Variants in HINT3 observed in about 807,000 individuals in gnomAD.
HINT3 encodes adenosine 5'-monophosphoramidase HINT3.
HINT3 carries 16 observed loss-of-function variants against 19.1 expected under a neutral mutation model. The observed-to-expected ratio is 0.84, with a 90% CI of 0.57 to 1.27. HINT3 has a LOEUF of 1.27. Among genes scored for constraint, HINT3 ranks in the 50% most tolerant of loss-of-function variants. The pLI is 0.00. For synonymous variants in HINT3, 75 were observed against 84.8 expected (o/e 0.88, Z 0.63); for missense variants, 197 against 225.8 (o/e 0.87, Z 0.82).
rs759601933 is a variant in HINT3 at position 125,977,647 on chromosome 6, G to C, written c.520G>C (p.Asp174His). Reference sequence around the variant, plus strand: ...AAAGTATGTTTTTTAATTACAGGCTGATCACTTGATTGAAAAACTAAGAAC... The same window carrying C: ...AAAGTATGTTTTTTAATTACAGGCTCATCACTTGATTGAAAAACTAAGAAC... Reference protein sequence around the residue: ...RVNSYWFITADHLIEKLRT With the variant: ...RVNSYWFITAHHLIEKLRT Residue 174 changes from aspartate to histidine, a missense_variant, in exon 5 of 5, where the codon GAT (aspartate) becomes CAT (histidine). By Grantham distance (81) the Asp-to-His change is moderately conservative. Transcript: ENST00000229633. 9.4e-6 allele frequency: 14 copies of C among 1,488,966 alleles called. No individual in the cohort carries two copies. The highest frequency in any genetic ancestry group is 1.3e-5 in the Non-Finnish European group (14 of 1,093,468). The allele number at this position is 1,488,966 out of a possible 1,614,324, so 92.2% of individuals were successfully genotyped here.
At chr6:125,973,065 CTTTTT>C (rs869084942) in intron 3 of HINT3, among the ~76,000 whole-genome samples, 34 of 74,474 alleles carry the variant, frequency 4.6e-4, no homozygotes, top group South Asian at 1.6e-3. Context: ...AATTTTTCAA[CTTTTT>C]TTTTTTTTTT....
In HINT3 at chr6:125,963,058, C is replaced by G. The variant is rs143817268; in HGVS notation, c.202-3829C>G. Among the ~76,000 whole-genome samples the G allele has an allele frequency of 4.3e-4, 65 of 152,236 alleles. 1 individual carries two copies. The Middle Eastern group carries it at 0.02, about 48-fold the overall frequency. ...TGCCAATTTAACTTGAACGTTGTCC[C>G]CTGTTGGAAGATGGTTAGCATCCCC... On this transcript the variant is annotated intron_variant, in intron 1 of 4. Transcript: ENST00000229633.
chr6:125,971,702 CTTTTTTTTTTTT>C (rs142105115), intron 2 of HINT3, among the ~76,000 whole-genome samples: 2 of 59,628 alleles, frequency 3.4e-5, no homozygotes, highest in Non-Finnish European at 5.7e-5. Flanking sequence ...GCCTGGCTAC[CTTTTTTTTTTTT>C]TTTTTTTTTT....
Position 125,979,138 on chromosome 6 carries a change from C to A in HINT3, c.*1462C>A, listed in dbSNP as rs1326299972. 2 of 152,118 alleles carry A rather than the reference C, an allele frequency of 1.3e-5. No homozygotes were observed. Among genetic ancestry groups the A allele is most frequent in the Non-Finnish European group, 2.9e-5 (2 of 68,020 alleles). 9.4% of individuals were successfully genotyped at this position (152,118 alleles called of 1,614,324 possible). On this transcript the variant is annotated 3_prime_UTR_variant, in exon 5 of 5. Transcript: ENST00000229633. ...GTGACTGGTTAGGCTGAGAAACTTA[C>A]AAGTATTTTCGTTGAGTTCTGCTTC...
In HINT3 at chr6:125,978,379, G is replaced by A. The variant is rs958006693; in HGVS notation, c.*703G>A. On this transcript the variant is annotated 3_prime_UTR_variant, in exon 5 of 5. Transcript: ENST00000229633. ...TTTTGCCTCTAATAACATAAAGGGGGAAGAAACATAAAGTGGTTCTCTTAA... is the reference window on the plus strand; with the variant it reads ...TTTTGCCTCTAATAACATAAAGGGGAAAGAAACATAAAGTGGTTCTCTTAA... 1.3e-5 allele frequency: 2 copies of A among 152,076 alleles called. No homozygotes were observed. The highest frequency in any genetic ancestry group is 2.9e-5 in the Non-Finnish European group (2 of 67,982). The allele number at this position is 152,076 out of a possible 1,614,324, so 9.4% of individuals were successfully genotyped here. A position where few individuals can be genotyped will look rare whatever the true frequency, so the allele number is the denominator to read the frequency against.
rs1442777436 is a variant in HINT3 at position 125,956,877 on chromosome 6, C to T, written c.-101C>T. ...TCACCGCCCAGCGTCAGGCGAGGGG[C>T]GACGTCTCGAGGTAAAACGGAGGAG... On this transcript the variant is annotated 5_prime_UTR_variant, in exon 1 of 5. Transcript: ENST00000229633. 19 of 1,191,664 alleles carry T rather than the reference C, an allele frequency of 1.6e-5. No homozygotes were observed. The highest frequency in any genetic ancestry group is 2.1e-5 in the Non-Finnish European group (18 of 854,220). The allele number at this position is 1,191,664 out of a possible 1,614,324, so 73.8% of individuals were successfully genotyped here.
intron 1 of HINT3, among the ~76,000 whole-genome samples, chr6:125,960,186 G>A (rs991551581): frequency 3.9e-5 from 6 of 152,164 alleles, no homozygotes; most frequent in Non-Finnish European, 5.9e-5. Context: ...GTTGTACAGC[G>A]GGTCACGTGA....
chr6:125,973,686 T>C (rs547313050), intron 3 of HINT3, among the ~76,000 whole-genome samples: 1 of 152,302 alleles, frequency 6.6e-6, no homozygotes, highest in African/African-American at 2.4e-5. Context: ...AGTGTGATAA[T>C]GACAAGGAAC....
chr6:125,960,616 C>T lies in HINT3; in HGVS notation c.201+3438C>T, dbSNP rs910770337. Among the ~76,000 whole-genome samples the T allele has an allele frequency of 6.4e-4, 94 of 145,806 alleles. 1 individual carries two copies. Among genetic ancestry groups the T allele is most frequent in the Non-Finnish European group, 1.5e-4 (10 of 66,834 alleles). ...AGGTTGCAGTGAGCCAAGATCGCGC[C>T]GCTGCACTCCAGCCTGGGTGACAGA... On this transcript the variant is annotated intron_variant, in intron 1 of 4. Coordinates refer to ENST00000229633, the MANE Select transcript of HINT3 (RefSeq NM_138571.5).
chr6:125,975,211 T>C (rs1048216584), intron 4 of HINT3, among the ~76,000 whole-genome samples: 2 of 152,162 alleles, frequency 1.3e-5, no homozygotes, highest in Admixed American at 1.3e-4. Context: ...AGATACGATA[T>C]AGAAGAACCA....
chr6:125,968,668 A>G (rs916470188), intron 2 of HINT3, among the ~76,000 whole-genome samples: 5 of 152,172 alleles, frequency 3.3e-5, no homozygotes, highest in Admixed American at 3.3e-4. Flanking sequence ...CTGCCTTACC[A>G]GCATCTGTTA....
rs1583589617 is a variant in HINT3 at position 125,966,353 on chromosome 6, A to AC, written c.202-534_202-533insC. Among the ~76,000 whole-genome samples the AC allele has an allele frequency of 2.6e-5, 4 of 152,206 alleles. No homozygotes were observed. In the East Asian group the frequency reaches 5.8e-4, roughly 22 times the overall value. On this transcript the variant is annotated intron_variant, in intron 1 of 4. Transcript: ENST00000229633. ...TTTGTTTCAGCATTTCAGTCTTTTT[A>AC]ATACTGTAAAGTGGCAAGTAAAAAA...
intron 1 of HINT3, among the ~76,000 whole-genome samples, chr6:125,961,102 G>A: frequency 6.6e-6 from 1 of 152,112 alleles, no homozygotes; most frequent in East Asian, 1.9e-4. Flanking sequence ...TAGGAACAAA[G>A]TAAACAATAT....
At chr6:125,962,943 G>T (rs185553264) in intron 1 of HINT3, among the ~76,000 whole-genome samples, 2 of 152,214 alleles carry the variant, frequency 1.3e-5, no homozygotes, top group East Asian at 1.9e-4. Flanking sequence ...GTCTTAAAAG[G>T]CTCATTAGAT....
At chr6:125,957,414 A>G (rs1486090693) in intron 1 of HINT3, among the ~76,000 whole-genome samples, 1 of 152,236 alleles carries the variant, frequency 6.6e-6, no homozygotes, top group South Asian at 2.1e-4. Flanking sequence ...ACTGACAGGC[A>G]GTGGCTCCAG....
intron 1 of HINT3, among the ~76,000 whole-genome samples, chr6:125,963,400 CT>C (rs1409672243): frequency 6.6e-6 from 1 of 152,168 alleles, no homozygotes; most frequent in Non-Finnish European, 1.5e-5. Context: ...TAAATTCCCT[CT>C]GGGATTTTTA....
At chr6:125,972,056 C>G (rs1368243066) in intron 2 of HINT3, among the ~76,000 whole-genome samples, 3 of 152,060 alleles carry the variant, frequency 2.0e-5, no homozygotes, top group Non-Finnish European at 4.4e-5. Flanking sequence ...GAGGTCTTAC[C>G]TTTTTGCCCA....
intron 1 of HINT3, among the ~76,000 whole-genome samples, chr6:125,965,255 C>G (rs1034193661): frequency 6.6e-6 from 1 of 152,122 alleles, no homozygotes; most frequent in Admixed American, 6.5e-5. Flanking sequence ...TTCTGTTAAT[C>G]TAAAGAAGTG....
intron 1 of HINT3, among the ~76,000 whole-genome samples, chr6:125,960,415 T>C (rs1364530169): frequency 6.6e-6 from 1 of 152,118 alleles, no homozygotes; most frequent in Non-Finnish European, 1.5e-5. Context: ...TCCCAGCACT[T>C]TGGGAGGCTG....
Sources: gnomAD v4.1 joint callset for allele counts (sites outside exome capture counted in the v4.1 genomes callset) on GRCh38, gnomAD v4.1.1 for gene constraint, MANE v1.5 for transcripts, NCBI Gene and HGNC (gene_info 2026-07-23, HGNC 2026-07-21) for gene names.